CNTNAP4: variants seen among roughly 807,000 people sequenced by gnomAD.
CNTNAP4 encodes contactin-associated protein-like 4.
A neutral mutation model predicts 148.4 loss-of-function variants in CNTNAP4; 98 were observed. The observed-to-expected ratio is 0.66, with a 90% confidence interval of 0.56 to 0.78. The LOEUF is 0.78. Among genes scored for constraint, CNTNAP4 ranks in the 30% least tolerant of loss-of-function variants. CNTNAP4 has a pLI of 0.00. For synonymous variants in CNTNAP4, 730 were observed against 565.1 expected (o/e 1.29, Z -4.14); for missense variants, 1,935 against 1,565.6 (o/e 1.24, Z -3.98).
intron 1 of CNTNAP4, among the ~76,000 whole-genome samples, chr16:76,292,401 C>T (rs982397058): frequency 1.3e-5 from 2 of 152,016 alleles, no homozygotes; most frequent in Admixed American, 1.3e-4. Context: ...GCATCTGTCA[C>T]CCTCCAGGAA....
intron 3 of CNTNAP4, among the ~76,000 whole-genome samples, chr16:76,364,723 C>G (rs1486474820): frequency 1.3e-5 from 2 of 152,116 alleles, no homozygotes; most frequent in Admixed American, 6.6e-5. Context: ...ACTAATACTT[C>G]CCATTCACTT....
chr16:76,404,260 A>G (rs1485537327), intron 3 of CNTNAP4, among the ~76,000 whole-genome samples: 1 of 152,154 alleles, frequency 6.6e-6, no homozygotes, highest in Non-Finnish European at 1.5e-5. Context: ...ACAAAGAAAA[A>G]AACTAAAGTC....
chr16:76,364,259 A>AAAC (rs2013830603), intron 3 of CNTNAP4, among the ~76,000 whole-genome samples: 1 of 132,530 alleles, frequency 7.5e-6, no homozygotes, highest in Admixed American at 7.5e-5. Flanking sequence ...AAAAAAAAAA[A>AAAC]CAGAAAAGAA....
Position 76,489,728 on chromosome 16 carries a change from C to G in CNTNAP4, c.1925C>G (p.Thr642Arg). The G allele has an allele frequency of 6.2e-7, 1 of 1,605,140 alleles. No individual in the cohort carries two copies. The highest frequency in any genetic ancestry group is 8.5e-7 in the Non-Finnish European group (1 of 1,175,164). Residue 642 changes from threonine to arginine, a missense_variant, in exon 13 of 24, where the codon ACA (threonine) becomes AGA (arginine). Transcript: ENST00000611870. ...ATACAGCACAACGGCTCTGACTTAA[C>G]AAGAGTCAGAAATACTAATCCAGAG... ...TIIQHNGSDLTRVRNTNPENP... is the reference protein window; with the variant it reads ...TIIQHNGSDLRRVRNTNPENP...
chr16:76,292,179 T>C, intron 1 of CNTNAP4, among the ~76,000 whole-genome samples: 1 of 152,226 alleles, frequency 6.6e-6, no homozygotes, highest in East Asian at 1.9e-4. Context: ...CATGAACTGT[T>C]CAATGTCATC....
chr16:76,433,478 A>C (rs1054758749), intron 4 of CNTNAP4, among the ~76,000 whole-genome samples: 1 of 152,198 alleles, frequency 6.6e-6, no homozygotes. Context: ...TATTTAAAAA[A>C]ATTCCAATTT....
intron 2 of CNTNAP4, among the ~76,000 whole-genome samples, chr16:76,354,289 G>C (rs554567475): frequency 6.6e-6 from 1 of 152,304 alleles, no homozygotes; most frequent in African/African-American, 2.4e-5. Context: ...TAAACTGGAA[G>C]AATGAAGCAT....
intron 2 of CNTNAP4, among the ~76,000 whole-genome samples, chr16:76,347,083 A>G (rs887486874): frequency 3.9e-5 from 6 of 152,044 alleles, no homozygotes; most frequent in African/African-American, 1.4e-4. Context: ...CAATACATAC[A>G]TCTTTGAAAT....
Position 76,462,110 on chromosome 16 carries a change from G to C in CNTNAP4, c.1483+5G>C. Reference sequence around the variant, plus strand: ...GTGGCACCTATTATTTTGGAGGTAAGAATAGGTGCCAGGCTCTATGAGCAA... The same window carrying C: ...GTGGCACCTATTATTTTGGAGGTAACAATAGGTGCCAGGCTCTATGAGCAA... On this transcript the variant is annotated splice_donor_5th_base_variant and intron_variant, in intron 9 of 23. Coordinates refer to ENST00000611870, the MANE Select transcript of CNTNAP4 (RefSeq NM_033401.5). The C allele has an allele frequency of 6.2e-7, 1 of 1,611,960 alleles. No individual in the cohort carries two copies. The highest frequency in any genetic ancestry group is 8.5e-7 in the Non-Finnish European group (1 of 1,178,868).
intron 17 of CNTNAP4, among the ~76,000 whole-genome samples, chr16:76,525,779 ATAGTTAAAC>A (rs1380024929): frequency 1.4e-5 from 2 of 147,198 alleles, no homozygotes; most frequent in Non-Finnish European, 3.0e-5. Context: ...TATAAGCTAT[ATAGTTAAAC>A]TAGTTAAACT....
At chr16:76,487,606 A>T (rs1402551440) in intron 12 of CNTNAP4, among the ~76,000 whole-genome samples, 1 of 152,170 alleles carries the variant, frequency 6.6e-6, no homozygotes, top group African/African-American at 2.4e-5. Context: ...CTTTTAAGGC[A>T]CCTATCTCCG....
intron 3 of CNTNAP4, among the ~76,000 whole-genome samples, chr16:76,397,764 T>C (rs942271284): frequency 6.7e-6 from 1 of 149,198 alleles, no homozygotes. Flanking sequence ...ATGGTTGTAA[T>C]TGTAGCATTA....
At chr16:76,504,070 T>C (rs904717294) in intron 15 of CNTNAP4, among the ~76,000 whole-genome samples, 10 of 152,056 alleles carry the variant, frequency 6.6e-5, no homozygotes, top group African/African-American at 2.2e-4. Context: ...ATCTCTTTTT[T>C]GGGAGGGGAG....
chr16:76,388,073 C>A (rs1388938566), intron 3 of CNTNAP4, among the ~76,000 whole-genome samples: 3 of 152,216 alleles, frequency 2.0e-5, no homozygotes, highest in Non-Finnish European at 4.4e-5. Context: ...CCATCAGTCA[C>A]TGACTTGAGA....
intron 14 of CNTNAP4, among the ~76,000 whole-genome samples, chr16:76,495,593 A>T (rs376131982): frequency 1.3e-5 from 2 of 148,426 alleles, no homozygotes; most frequent in East Asian, 4.1e-4. Flanking sequence ...AATTTAAAAT[A>T]TTCCTCTAAG....
chr16:76,546,639 A>G (rs1188067465), intron 21 of CNTNAP4, among the ~76,000 whole-genome samples: 2 of 152,210 alleles, frequency 1.3e-5, no homozygotes, highest in Admixed American at 1.3e-4. Context: ...GCATAATAGA[A>G]AGTGCACAAT....
intron 3 of CNTNAP4, among the ~76,000 whole-genome samples, chr16:76,368,083 A>G (rs2014369128): frequency 6.6e-6 from 1 of 152,206 alleles, no homozygotes; most frequent in African/African-American, 2.4e-5. Flanking sequence ...TGGGTTGCTC[A>G]GTAATCTTGA....
chr16:76,476,306 A>G (rs1024097183), intron 11 of CNTNAP4, among the ~76,000 whole-genome samples: 2 of 152,242 alleles, frequency 1.3e-5, no homozygotes, highest in African/African-American at 4.8e-5. Flanking sequence ...GAATTTTGTT[A>G]TCTTGTTCTG....
In CNTNAP4 at chr16:76,479,503, C is replaced by T. The variant is rs968028782; in HGVS notation, c.1847C>T (p.Pro616Leu). ...TATATAGATTCAGATGGAAGTGGTC[C>T]CCTGGAACCATTTCTTCTATATTGC... ...FYYIDSDGSG[P>L]LEPFLLYCNM... The change falls in exon 12 of 24, where the codon CCC becomes CTC. Residue 616 changes from proline (P) to leucine (L), a missense_variant. Physicochemically the swap from Pro to Leu is moderately conservative, Grantham distance 98. Coordinates refer to ENST00000611870, the MANE Select transcript of CNTNAP4 (RefSeq NM_033401.5). 1 of 1,609,622 alleles carries T rather than the reference C, an allele frequency of 6.2e-7. No individual in the cohort carries two copies.
Sources: allele counts gnomAD v4.1 joint callset (sites outside exome capture counted in the v4.1 genomes callset), GRCh38; gene constraint gnomAD v4.1.1; transcripts MANE v1.5; gene names NCBI Gene and HGNC (gene_info 2026-07-23, HGNC 2026-07-21).